The following PRKN variants were observed in gnomAD, a reference collection of about 807,000 sequenced individuals.
The protein encoded by PRKN is E3 ubiquitin-protein ligase parkin.
A neutral mutation model predicts 59.5 loss-of-function variants in PRKN; 56 were observed. The ratio of observed to expected loss-of-function variants is 0.94; its 90% CI spans 0.76 to 1.18. The LOEUF is 1.18. Among genes scored for constraint, PRKN ranks in the 50% most tolerant of loss-of-function variants. The probability of loss-of-function intolerance (pLI) is 0.00; values close to 1 mark genes in which losing one functional copy is unlikely to be tolerated. For missense variants in PRKN, 657 were observed against 596.4 expected (o/e 1.10, Z -1.06); for synonymous variants, 250 against 222.1 (o/e 1.13, Z -1.12).
chr6:162,492,756 A>G (rs945290708), intron 1 of PRKN, among the ~76,000 whole-genome samples: 1 of 152,046 alleles, frequency 6.6e-6, no homozygotes, highest in Admixed American at 6.6e-5. Flanking sequence ...TCCAGACCAT[A>G]CTGACTAACA....
At chr6:161,761,269 T>C (rs960182042) in intron 7 of PRKN, among the ~76,000 whole-genome samples, 2 of 152,146 alleles carry the variant, frequency 1.3e-5, no homozygotes, top group Non-Finnish European at 2.9e-5. Context: ...AAGTACGTCT[T>C]TTTGCTTTGT....
chr6:162,329,958 C>T (rs903683632), intron 2 of PRKN, among the ~76,000 whole-genome samples: 1 of 152,108 alleles, frequency 6.6e-6, no homozygotes, highest in Non-Finnish European at 1.5e-5. Context: ...CACAGCAAGT[C>T]AACATCCGAT....
chr6:162,718,282 C>T (rs1778802435), intron 1 of PRKN, among the ~76,000 whole-genome samples: 1 of 152,112 alleles, frequency 6.6e-6, no homozygotes, highest in African/African-American at 2.4e-5. Context: ...GTATAACTTG[C>T]ATTCTATTAA....
chr6:162,449,235 C>T (rs548169210), intron 1 of PRKN, among the ~76,000 whole-genome samples: 5 of 152,146 alleles, frequency 3.3e-5, no homozygotes, highest in Admixed American at 2.0e-4. Context: ...GATATCTACA[C>T]GGATGTCCAG....
Position 161,463,787 on chromosome 6 carries a change from T to C in PRKN, c.1084-76910A>G. ...CCACTTTGGAAGTATAATCTTTATC[T>C]AGTGATCACTTTTCCAACATTTCCA... is the stretch of plus-strand genomic sequence containing the variant. On this transcript the variant is annotated intron_variant, in intron 9 of 11. Transcript: ENST00000366898. The surrounding 1 kb of genome is among the most constrained non-coding windows in gnomAD (Gnocchi z 4.8). 1.3e-5 allele frequency among the ~76,000 whole-genome samples: 2 copies of C among 152,184 alleles called. No homozygotes were observed. The highest frequency in any genetic ancestry group is 3.9e-4 in the East Asian group (2 of 5,176).
intron 9 of PRKN, among the ~76,000 whole-genome samples, chr6:161,516,826 C>CAAAAAAAAAAAA (rs369136348): frequency 4.1e-4 from 26 of 63,068 alleles, no homozygotes; most frequent in Admixed American, 8.7e-4. Flanking sequence ...GACTCAATCT[C>CAAAAAAAAAAAA]AAAAAAAAAA....
intron 1 of PRKN, among the ~76,000 whole-genome samples, chr6:162,448,269 C>T (rs1790417922): frequency 6.6e-6 from 1 of 152,146 alleles, no homozygotes; most frequent in African/African-American, 2.4e-5. Flanking sequence ...CCTTTGAGAA[C>T]TATCACTAAA....
intron 6 of PRKN, among the ~76,000 whole-genome samples, chr6:161,928,635 A>G (rs557448597): frequency 1.3e-5 from 2 of 152,242 alleles, no homozygotes; most frequent in Non-Finnish European, 2.9e-5. Flanking sequence ...ACTATTTGCC[A>G]GACGCCATAG....
intron 4 of PRKN, among the ~76,000 whole-genome samples, chr6:162,064,049 T>C (rs1778222388): frequency 6.6e-6 from 1 of 152,098 alleles, no homozygotes; most frequent in Non-Finnish European, 1.5e-5. Context: ...GAATAAACCA[T>C]GGGGTCTCAC....
At chr6:161,865,659 G>A (rs775587179) in intron 6 of PRKN, among the ~76,000 whole-genome samples, 1 of 152,148 alleles carries the variant, frequency 6.6e-6, no homozygotes, top group African/African-American at 2.4e-5. Context: ...CTTTTCTCAT[G>A]CAACTTTCTC....
chr6:162,163,304 C>G (rs1034034863), intron 4 of PRKN, among the ~76,000 whole-genome samples: 3 of 149,332 alleles, frequency 2.0e-5, no homozygotes, highest in South Asian at 2.1e-4. Context: ...ACACATTTAT[C>G]TATAAAGAAT....
rs1562383605 is a variant in PRKN, at chr6:161,347,606, C to CCTTTTTGTTTTTTTTTTTTTTTTTT, written c.*2492_*2493insAAAAAAAAAAAAAAAAAACAAAAAG. 7.4e-6 allele frequency: 1 copy of CCTTTTTGTTTTTTTTTTTTTTTTTT among 134,762 alleles called. No individual in the cohort carries two copies. 8.3% of individuals were successfully genotyped at this position (134,762 alleles called of 1,614,324 possible). A position where few individuals can be genotyped will look rare whatever the true frequency, so the allele number is the denominator to read the frequency against. On this transcript the variant is annotated 3_prime_UTR_variant, in exon 12 of 12. Transcript: ENST00000366898. ...TGTTCATGTGTAGTGGATGATCTTG[C>CCTTTTTGTTTTTTTTTTTTTTTTTT]TTTTTTGTTTTTGTTTTTTTTTTTT... is the stretch of plus-strand genomic sequence containing the variant.
chr6:161,754,034 G>A (rs549199176), intron 7 of PRKN, among the ~76,000 whole-genome samples: 1 of 152,206 alleles, frequency 6.6e-6, no homozygotes, highest in South Asian at 2.1e-4. Flanking sequence ...GGAATTTAAA[G>A]TAAAATGGGT....
At chr6:161,931,335 G>A (rs1779164508) in intron 6 of PRKN, among the ~76,000 whole-genome samples, 1 of 152,104 alleles carries the variant, frequency 6.6e-6, no homozygotes, top group African/African-American at 2.4e-5. Flanking sequence ...CTACTTGGGA[G>A]GCTGAGGCAA....
chr6:162,086,046 T>G (rs745362480), intron 4 of PRKN, among the ~76,000 whole-genome samples: 2 of 152,182 alleles, frequency 1.3e-5, no homozygotes, highest in African/African-American at 2.4e-5. Flanking sequence ...CTTATGTTAC[T>G]TCGAGAATTT....
chr6:162,698,934 T>C (rs187579852), intron 1 of PRKN, among the ~76,000 whole-genome samples: 50 of 152,296 alleles, frequency 3.3e-4, no homozygotes, highest in African/African-American at 1.2e-3. Context: ...GACCCAACAA[T>C]AGAGTTCACA....
intron 6 of PRKN, among the ~76,000 whole-genome samples, chr6:161,900,514 A>ATATTATAATATATATTATG (rs1777851383): frequency 7.4e-6 from 1 of 135,848 alleles, no homozygotes; most frequent in Non-Finnish European, 1.5e-5. Flanking sequence ...TATATATTAT[A>ATATTATAATATATATTATG]TATACAACAT....
chr6:162,367,216 G>A (rs1785490063), intron 2 of PRKN, among the ~76,000 whole-genome samples: 1 of 152,116 alleles, frequency 6.6e-6, no homozygotes, highest in Non-Finnish European at 1.5e-5. Context: ...GGACATGTTT[G>A]CTTCCCCTTC....
Position 161,369,657 on chromosome 6 carries a change from A to C in PRKN, c.1168-9452T>G, listed in dbSNP as rs1785359865. Reference sequence around the variant, plus strand: ...GTGGCAGGAGGAATTGCATGCATGCATGTGTGTACGCACGCGTGGTGGAGG... The same window carrying C: ...GTGGCAGGAGGAATTGCATGCATGCCTGTGTGTACGCACGCGTGGTGGAGG... On this transcript the variant is annotated intron_variant, in intron 10 of 11. Coordinates refer to ENST00000366898, the MANE Select transcript of PRKN (RefSeq NM_004562.3). This position sits in a 1 kb window ranked among gnomAD's most constrained non-coding sequence, Gnocchi z 5.8. Among the ~76,000 whole-genome samples, 1 of 152,048 alleles carries C rather than the reference A, an allele frequency of 6.6e-6. No individual in the cohort carries two copies. The highest frequency in any genetic ancestry group is 2.4e-5 in the African/African-American group (1 of 41,398).
Sources: allele counts gnomAD v4.1 joint callset (sites outside exome capture counted in the v4.1 genomes callset), GRCh38; gene constraint gnomAD v4.1.1; non-coding constraint Gnocchi (gnomAD v3.1); transcripts MANE v1.5; gene names NCBI Gene and HGNC (gene_info 2026-07-23, HGNC 2026-07-21).